Variants in EFCAB6 observed in about 807,000 individuals in gnomAD.
EFCAB6 encodes EF-hand calcium binding domain 6.
EFCAB6 carries 156 observed loss-of-function variants against 169.8 expected under a neutral mutation model. That is an observed-to-expected ratio of 0.92 (90% confidence interval 0.81 to 1.05). The LOEUF is 1.05. EFCAB6 is among the 50% of genes least tolerant of loss of function. The pLI is 0.00. For missense variants in EFCAB6, 1,800 were observed against 1,829.1 expected (o/e 0.98, Z 0.29); for synonymous variants, 698 against 676.4 (o/e 1.03, Z -0.50).
intron 27 of EFCAB6, chr22:43,551,890 T>C (rs980323380): frequency 4.6e-5 from 7 of 150,556 alleles, no homozygotes; most frequent in Non-Finnish European, 8.9e-5. Context: ...TGCAGTGGTG[T>C]GATCTCGGCT....
intron 10 of EFCAB6, among the ~76,000 whole-genome samples, chr22:43,690,439 C>G (rs535118500): frequency 1.3e-3 from 197 of 151,600 alleles, no homozygotes; most frequent in South Asian, 9.2e-3. Flanking sequence ...TGGCGTGAAC[C>G]CAGGAGGCGG....
intron 26 of EFCAB6, among the ~76,000 whole-genome samples, chr22:43,561,794 C>G (rs1376754299): frequency 6.6e-6 from 1 of 152,142 alleles, no homozygotes; most frequent in Non-Finnish European, 1.5e-5. Context: ...AAAAATAATG[C>G]TTTTTCTATA....
chr22:43,744,253 G>A lies in EFCAB6; in HGVS notation c.508-8260C>T, dbSNP rs1286051558. Among the ~76,000 whole-genome samples, 1 of 151,980 alleles carries A rather than the reference G, an allele frequency of 6.6e-6. No homozygotes were observed. The highest frequency in any genetic ancestry group is 1.5e-5 in the Non-Finnish European group (1 of 67,984). On this transcript the variant is annotated intron_variant, in intron 6 of 31. Coordinates refer to ENST00000262726, the MANE Select transcript of EFCAB6 (RefSeq NM_022785.4). This position sits in a 1 kb window ranked among gnomAD's most constrained non-coding sequence, Gnocchi z 4.3. ...ATGTGGGGATGGATGATGAAGGATG[G>A]ATGGGTGGATGGATGAGTGGGTGGG...
intron 13 of EFCAB6, among the ~76,000 whole-genome samples, 173 bp downstream of exon 13, chr22:43,677,823 T>C (rs1480495447): frequency 6.6e-6 from 1 of 152,184 alleles, no homozygotes; most frequent in African/African-American, 2.4e-5. Flanking sequence ...ATTCAGAAAC[T>C]AAAAGTTAAA....
chr22:43,603,355 C>G (rs980872851), intron 22 of EFCAB6, among the ~76,000 whole-genome samples: 1 of 152,158 alleles, frequency 6.6e-6, no homozygotes, highest in Non-Finnish European at 1.5e-5. Flanking sequence ...TTTAAAACAC[C>G]AACTTGCCTA....
At chr22:43,558,952 T>C (rs1208077042) in intron 26 of EFCAB6, among the ~76,000 whole-genome samples, 1 of 152,178 alleles carries the variant, frequency 6.6e-6, no homozygotes, top group Non-Finnish European at 1.5e-5. Context: ...GCCACATACA[T>C]GGGCAAAGAC....
intron 28 of EFCAB6, among the ~76,000 whole-genome samples, chr22:43,538,715 A>T (rs953000056): frequency 6.6e-6 from 1 of 152,124 alleles, no homozygotes; most frequent in East Asian, 1.9e-4. Flanking sequence ...AGTCCCTCAG[A>T]TTATGTCACT....
intron 21 of EFCAB6, among the ~76,000 whole-genome samples, chr22:43,611,124 C>A (rs187506011): frequency 1.3e-3 from 201 of 152,320 alleles, no homozygotes; most frequent in Non-Finnish European, 2.4e-3. Flanking sequence ...AAACTACACA[C>A]CATCATCTCT....
At chr22:43,711,848 AG>A (rs2059172004) in intron 9 of EFCAB6, among the ~76,000 whole-genome samples, 1 of 152,202 alleles carries the variant, frequency 6.6e-6, no homozygotes, top group Admixed American at 6.5e-5. Context: ...CACGTTTCCC[AG>A]GGAAAAACAG....
At chr22:43,716,783 T>G in intron 9 of EFCAB6, 65 bp downstream of exon 9, 1 of 1,535,642 alleles carries the variant, frequency 6.5e-7, no homozygotes, top group South Asian at 1.3e-5. Flanking sequence ...ACCTAATAGT[T>G]TTCCATATTG....
chr22:43,723,835 C>T (rs868811880), intron 8 of EFCAB6, among the ~76,000 whole-genome samples: 1 of 152,192 alleles, frequency 6.6e-6, no homozygotes, highest in African/African-American at 2.4e-5. Flanking sequence ...AGCCCTGCAC[C>T]GGAATGTGGG....
intron 20 of EFCAB6, among the ~76,000 whole-genome samples, chr22:43,616,401 G>A (rs913542802): frequency 1.3e-5 from 2 of 152,320 alleles, no homozygotes; most frequent in African/African-American, 2.4e-5. Context: ...AGTGGCTCAC[G>A]CCTGTAATCC....
intron 3 of EFCAB6, among the ~76,000 whole-genome samples, chr22:43,774,165 T>C (rs1206558729): frequency 2.0e-5 from 3 of 152,018 alleles, no homozygotes; most frequent in Non-Finnish European, 4.4e-5. Context: ...TGAAAATTTC[T>C]TATCAAGCTA....
Position 43,784,569 on chromosome 22 carries a change from GTGTACA to G in EFCAB6, c.-7-2250_-7-2245del, listed in dbSNP as rs1569487289. On this transcript the variant is annotated intron_variant, in intron 2 of 31. Transcript: ENST00000262726. ...TATATGTATATATACACATATATAT[GTGTACA>G]TATACACATATATATGTATATATAC... 1.8e-3 allele frequency among the ~76,000 whole-genome samples: 70 copies of G among 39,998 alleles called. 3 individuals are homozygous for G. Among genetic ancestry groups the G allele is most frequent in the African/African-American group, 6.2e-3 (65 of 10,482 alleles). The allele number at this position is 39,998 out of a possible 152,430, so 26.2% of individuals were successfully genotyped here. A position where few individuals can be genotyped will look rare whatever the true frequency, so the allele number is the denominator to read the frequency against.
intron 17 of EFCAB6, among the ~76,000 whole-genome samples, chr22:43,650,976 G>C (rs931876772): frequency 3.3e-5 from 5 of 151,920 alleles, no homozygotes; most frequent in Non-Finnish European, 5.9e-5. Flanking sequence ...GTTTTATGAG[G>C]GAAGCAGAGT....
At chr22:43,675,483 A>T (rs1387244974) in intron 13 of EFCAB6, among the ~76,000 whole-genome samples, 2 of 141,350 alleles carry the variant, frequency 1.4e-5, no homozygotes, top group Non-Finnish European at 3.0e-5. Flanking sequence ...ATAATATGTA[A>T]TATTATATAA....
rs2060489143 is a variant in EFCAB6 at position 43,744,368 on chromosome 22, GATTCAGTGA to G, written c.508-8384_508-8376del. Among the ~76,000 whole-genome samples, 1 of 152,178 alleles carries G rather than the reference GATTCAGTGA, an allele frequency of 6.6e-6. No homozygotes were observed. Among genetic ancestry groups the G allele is most frequent in the Non-Finnish European group, 1.5e-5 (1 of 68,034 alleles). The stretch of plus-strand genomic sequence containing the variant: ...TAGACAAGCATCTCATTTCCCAGTG[GATTCAGTGA>G]TCTGCTCTGCACCTACCTGGGAAGA... On this transcript the variant is annotated intron_variant, in intron 6 of 31. Coordinates refer to ENST00000262726, the MANE Select transcript of EFCAB6 (RefSeq NM_022785.4). The surrounding 1 kb of genome is among the most constrained non-coding windows in gnomAD (Gnocchi z 4.3).
At position 43,761,585 on chromosome 22, in the gene EFCAB6, C is replaced by A. The variant is rs571425758; in HGVS notation, c.440+3720G>T. Among the ~76,000 whole-genome samples the A allele has an allele frequency of 2.9e-4, 44 of 152,292 alleles. No homozygotes were observed. The South Asian group carries it at 8.5e-3, about 29-fold the overall frequency. ...TTTGCATTCATATTTTGAATCTATT[C>A]TTTCATTTCTTTAAACATATTAAAA... On this transcript the variant is annotated intron_variant, in intron 5 of 31. Transcript: ENST00000262726.
chr22:43,594,275 C>CAAAAAAAAAAAAAA (rs750560174), intron 23 of EFCAB6, among the ~76,000 whole-genome samples: 6 of 81,490 alleles, frequency 7.4e-5, no homozygotes, highest in Non-Finnish European at 1.2e-4. Flanking sequence ...AACTCTGTTT[C>CAAAAAAAAAAAAAA]AAAAAAAAAA....
Sources: gnomAD v4.1 joint callset for allele counts (sites outside exome capture counted in the v4.1 genomes callset) on GRCh38, gnomAD v4.1.1 for gene constraint, Gnocchi (gnomAD v3.1) non-coding constraint, MANE v1.5 for transcripts, NCBI Gene and HGNC (gene_info 2026-07-23, HGNC 2026-07-21) for gene names.